ZNF90: variants seen among roughly 807,000 people sequenced by gnomAD.
The protein encoded by ZNF90 is zinc finger protein HTF9.
In ZNF90, 11 loss-of-function variants were observed where a neutral mutation model predicts 12.0. The ratio of observed to expected loss-of-function variants is 0.92; its 90% CI spans 0.58 to 1.52. The LOEUF (loss-of-function observed/expected upper bound fraction) is 1.52. ZNF90 is among the 40% of genes most tolerant of loss of function. The probability of loss-of-function intolerance (pLI) is 0.00; values close to 1 mark genes in which losing one functional copy is unlikely to be tolerated. For synonymous variants in ZNF90, 232 were observed against 240.1 expected (o/e 0.97, Z 0.31); for missense variants, 765 against 711.5 (o/e 1.08, Z -0.86).
In ZNF90 at chr19:20,118,239, T is replaced by TA; in HGVS notation, c.686dup (p.Tyr229Ter). The TA allele has an allele frequency of 1.9e-6, 3 of 1,585,260 alleles. No homozygotes were observed. Among genetic ancestry groups the TA allele is most frequent in the Non-Finnish European group, 2.6e-6 (3 of 1,164,990 alleles). Residue 229 changes from tyrosine to a stop codon, truncating the protein, a stop_gained and frameshift_variant, in exon 4 of 4, where the codon TAC (tyrosine) becomes TAAC (stop). Transcript: ENST00000418063. LOFTEE classifies it low-confidence loss of function (END_TRUNC). ...GAGAATTCATACTGGAGAGAAACGG[T>TA]ACAAATGTGAAGATTGTGGCAAAGA... is the stretch of plus-strand genomic sequence containing the variant. ...HKRIHTGEKR[Y>*]KCEDCGKELK... is the part of the protein sequence containing the mutation.
At chr19:20,107,457 T>G (rs1328234007) in intron 3 of ZNF90, among the ~76,000 whole-genome samples, 1 of 152,162 alleles carries the variant, frequency 6.6e-6, no homozygotes, top group Non-Finnish European at 1.5e-5. Context: ...CACAACTCCC[T>G]CCCTGGATCT....
intron 1 of ZNF90, among the ~76,000 whole-genome samples, chr19:20,088,457 G>A (rs1411047379): frequency 6.6e-6 from 1 of 152,082 alleles, no homozygotes; most frequent in Non-Finnish European, 1.5e-5. Context: ...GAGAAAAATG[G>A]GTATTAAAGG....
chr19:20,090,649 T>C (rs762443268), intron 1 of ZNF90, among the ~76,000 whole-genome samples: 22 of 152,126 alleles, frequency 1.4e-4, no homozygotes, highest in Non-Finnish European at 2.9e-4. Context: ...CTGGAGTAGG[T>C]AAGAGAAGAT....
intron 1 of ZNF90, 110 bp from the exon 2 acceptor site, chr19:20,104,129 G>A (rs2122506295): frequency 6.7e-7 from 1 of 1,489,962 alleles, no homozygotes; most frequent in East Asian, 2.3e-5. Flanking sequence ...AGTGAGTCTT[G>A]TAAGTCAGAA....
intron 3 of ZNF90, among the ~76,000 whole-genome samples, chr19:20,110,348 G>A (rs930441441): frequency 2.6e-5 from 4 of 151,838 alleles, no homozygotes; most frequent in Admixed American, 6.6e-5. Flanking sequence ...GTGTGATCTT[G>A]GCTCACTGCA....
At chr19:20,085,268 C>CTTTTTTTTTTCTTTTTCTTT (rs56068843) in intron 1 of ZNF90, among the ~76,000 whole-genome samples, 13 of 135,572 alleles carry the variant, frequency 9.6e-5, no homozygotes, top group East Asian at 2.5e-4. Context: ...TTGCATTGGT[C>CTTTTTTTTTTCTTTTTCTTT]TTTTTTTTTT....
chr19:20,103,633 A>AT (rs1321763056), intron 1 of ZNF90, among the ~76,000 whole-genome samples: 2 of 151,734 alleles, frequency 1.3e-5, no homozygotes, highest in Admixed American at 6.6e-5. Context: ...CTTTTTTCTT[A>AT]TTTTTTCTAC....
rs782432760 is a variant in ZNF90 at position 20,104,302 on chromosome 19, A to G, written c.67A>G (p.Thr23Ala). 6 of 1,613,976 alleles carry G rather than the reference A, an allele frequency of 3.7e-6. No homozygotes were observed. In the African/African-American group the frequency reaches 6.7e-5, roughly 18 times the overall value. ...TCTGGAGGAGTGGCATTGCCTGGAC[A>G]CTGCACAGCAGAATTTATATAGGGA... ...FSLEEWHCLD[T>A]AQQNLYRDVM... Residue 23 changes from threonine (T) to alanine (A), a missense_variant, in exon 2 of 4, where the codon ACT becomes GCT. Thr to Ala is a moderately conservative substitution (Grantham distance 58). Coordinates refer to ENST00000418063, the MANE Select transcript of ZNF90 (RefSeq NM_007138.2).
intron 3 of ZNF90, among the ~76,000 whole-genome samples, chr19:20,114,529 A>G (rs1163285544): frequency 6.6e-6 from 1 of 152,134 alleles, no homozygotes; most frequent in African/African-American, 2.4e-5. Context: ...AATGTCATCA[A>G]TATTTATCTT....
intron 1 of ZNF90, among the ~76,000 whole-genome samples, chr19:20,088,767 A>G (rs1202440727): frequency 6.6e-6 from 1 of 152,254 alleles, no homozygotes; most frequent in Non-Finnish European, 1.5e-5. Context: ...ATGCTAGCAG[A>G]GAAGTCATTA....
At chr19:20,078,530 G>A (rs912333772) in intron 1 of ZNF90, among the ~76,000 whole-genome samples, 1 of 152,096 alleles carries the variant, frequency 6.6e-6, no homozygotes, top group African/African-American at 2.4e-5. Flanking sequence ...TTATGGGGCC[G>A]GTCGCTGTGG....
At chr19:20,089,315 C>G (rs1412512480) in intron 1 of ZNF90, among the ~76,000 whole-genome samples, 1 of 151,998 alleles carries the variant, frequency 6.6e-6, no homozygotes, top group African/African-American at 2.4e-5. Context: ...GTCTGACGAG[C>G]AAGGGGAAGG....
chr19:20,117,423 T>TTCCTTCTTTCCTTCCTTCCTTC (rs1555705802), intron 3 of ZNF90: 1 of 136,200 alleles, frequency 7.3e-6, no homozygotes, highest in South Asian at 2.2e-4. Flanking sequence ...TTCCTTCCTT[T>TTCCTTCTTTCCTTCCTTCCTTC]CTTCCTTCCC....
At chr19:20,114,821 C>T (rs535369803) in intron 3 of ZNF90, among the ~76,000 whole-genome samples, 1 of 150,722 alleles carries the variant, frequency 6.6e-6, no homozygotes, top group Non-Finnish European at 1.5e-5. Context: ...GTCCCCTGTT[C>T]CCTTACTAAT....
chr19:20,100,971 G>T (rs1266970821), intron 1 of ZNF90, among the ~76,000 whole-genome samples: 1 of 152,026 alleles, frequency 6.6e-6, no homozygotes, highest in African/African-American at 2.4e-5. Context: ...AACCCCCTTT[G>T]GATCCCCTCC....
At chr19:20,102,594 G>A (rs562940109) in intron 1 of ZNF90, among the ~76,000 whole-genome samples, 1 of 152,270 alleles carries the variant, frequency 6.6e-6, no homozygotes, top group East Asian at 1.9e-4. Context: ...CTCTTTTTGA[G>A]TGCTCATTTT....
chr19:20,103,092 C>CA (rs1458982555), intron 1 of ZNF90, among the ~76,000 whole-genome samples: 7 of 152,076 alleles, frequency 4.6e-5, no homozygotes, highest in Non-Finnish European at 1.0e-4. Context: ...GAGAAAAAGA[C>CA]AGTTTGAGAG....
At chr19:20,103,986 C>T (rs2089010032) in intron 1 of ZNF90, among the ~76,000 whole-genome samples, 1 of 152,020 alleles carries the variant, frequency 6.6e-6, no homozygotes, top group African/African-American at 2.4e-5. Flanking sequence ...ATGTTCATGC[C>T]CTTAATTTTA....
intron 3 of ZNF90, among the ~76,000 whole-genome samples, chr19:20,112,549 TG>T (rs1442873323): frequency 6.6e-6 from 1 of 152,044 alleles, no homozygotes; most frequent in Non-Finnish European, 1.5e-5. Context: ...CTCAGACTCT[TG>T]ATCTCAGGCA....
Sources: gnomAD v4.1 joint callset for allele counts (sites outside exome capture counted in the v4.1 genomes callset) on GRCh38, gnomAD v4.1.1 for gene constraint, MANE v1.5 for transcripts, NCBI Gene and HGNC (gene_info 2026-07-23, HGNC 2026-07-21) for gene names.